SPIRE2: variants seen among roughly 807,000 people sequenced by gnomAD.
SPIRE2 encodes the protein protein spire homolog 2.
Under a neutral mutation model 80.7 loss-of-function variants are expected in SPIRE2, and 76 were observed. The ratio of observed to expected loss-of-function variants is 0.94; its 90% CI spans 0.78 to 1.14. SPIRE2 has a LOEUF of 1.14. Ranked by LOEUF, SPIRE2 falls within the 50% of genes most tolerant of loss-of-function variation. The probability of loss-of-function intolerance (pLI) is 0.00; values close to 1 mark genes in which losing one functional copy is unlikely to be tolerated. For missense variants in SPIRE2, 1,196 were observed against 1,015.3 expected (o/e 1.18, Z -2.42); for synonymous variants, 535 against 432.6 (o/e 1.24, Z -2.94).
Position 89,863,856 on chromosome 16 carries a change from C to G in SPIRE2, c.1773C>G (p.Cys591Trp), listed in dbSNP as rs2041766295. Residue 591 changes from cysteine (C) to tryptophan (W), a missense_variant, in exon 12 of 15, where the codon TGC (cysteine) becomes TGG (tryptophan). Physicochemically the swap from Cys to Trp is radical, Grantham distance 215. Coordinates refer to ENST00000378247, the MANE Select transcript of SPIRE2 (RefSeq NM_032451.2). This position sits in a 1 kb window ranked among gnomAD's most constrained non-coding sequence, Gnocchi z 4.3. ...LFSWPPSCLFCKRAVCTSCSI... is the reference protein window; with the variant it reads ...LFSWPPSCLFWKRAVCTSCSI... Reference sequence around the variant, plus strand: ...CGTGGCCGCCCAGCTGTCTCTTCTGCAAGAGGTGAGCCTTCCCTTTAGCTG... The same window carrying G: ...CGTGGCCGCCCAGCTGTCTCTTCTGGAAGAGGTGAGCCTTCCCTTTAGCTG... 1 of 1,613,134 alleles carries G rather than the reference C, an allele frequency of 6.2e-7. No individual in the cohort carries two copies. The highest frequency in any genetic ancestry group is 8.5e-7 in the Non-Finnish European group (1 of 1,179,380).
chr16:89,854,246 C>T, intron 3 of SPIRE2, 40 bp from the exon 4 acceptor site: 7 of 1,593,500 alleles, frequency 4.4e-6, no homozygotes, highest in South Asian at 1.1e-5. Context: ...ATCTGCCATT[C>T]TCGTACCTCC....
At chr16:89,845,516 G>A in intron 2 of SPIRE2, 151 bp downstream of exon 2, 1 of 778,446 alleles carries the variant, frequency 1.3e-6, no homozygotes, top group South Asian at 1.4e-5. Context: ...TGCAGGGACT[G>A]GATGAAACGC....
At chr16:89,849,423 C>T (rs992908958) in intron 2 of SPIRE2, among the ~76,000 whole-genome samples, 5 of 152,194 alleles carry the variant, frequency 3.3e-5, no homozygotes, top group African/African-American at 7.2e-5. Flanking sequence ...GTGCAGGGCC[C>T]GGCACAGCAT....
At chr16:89,845,492 C>A (rs1567671920) in intron 2 of SPIRE2, 127 bp downstream of exon 2, 3 of 870,598 alleles carry the variant, frequency 3.4e-6, no homozygotes, top group Non-Finnish European at 5.7e-6. Context: ...GATGAAGTAC[C>A]CAACAGGCTT....
chr16:89,864,005 C>A, intron 12 of SPIRE2, 144 bp downstream of exon 12: 1 of 599,146 alleles, frequency 1.7e-6, no homozygotes, highest in Non-Finnish European at 3.0e-6. Context: ...ATGGTTAGTA[C>A]GAATGAGGAG....
intron 9 of SPIRE2, among the ~76,000 whole-genome samples, chr16:89,859,967 C>G (rs1466287756): frequency 6.6e-6 from 1 of 152,244 alleles, no homozygotes; most frequent in African/African-American, 2.4e-5. Flanking sequence ...CAGCCCCTTC[C>G]CAGTGTTAAG....
At chr16:89,835,590 G>A (rs2041440565) in intron 1 of SPIRE2, among the ~76,000 whole-genome samples, 2 of 152,186 alleles carry the variant, frequency 1.3e-5, no homozygotes, top group Admixed American at 1.3e-4. Context: ...AAACATATCA[G>A]TGGGTCTCAG....
At chr16:89,860,072 G>T (rs527533584) in intron 9 of SPIRE2, among the ~76,000 whole-genome samples, 1 of 152,220 alleles carries the variant, frequency 6.6e-6, no homozygotes, top group East Asian at 1.9e-4. Context: ...TTGGTGGAGG[G>T]AGGGAGGTCG....
chr16:89,859,923 G>A (rs1425809893), intron 9 of SPIRE2, among the ~76,000 whole-genome samples: 1 of 152,180 alleles, frequency 6.6e-6, no homozygotes, highest in Non-Finnish European at 1.5e-5. Context: ...TGCCTGTGGG[G>A]CCAGAGTCTC....
rs765887361 is a variant in SPIRE2 at position 89,854,371 on chromosome 16, G to A, written c.726+5G>A. ...AGCCTGGGTCACACAGACTGGGTAAGGCTCACTCCCACCTGACCGGGCCAC... is the reference window on the plus strand; with the variant it reads ...AGCCTGGGTCACACAGACTGGGTAAAGCTCACTCCCACCTGACCGGGCCAC... On this transcript the variant is annotated splice_donor_5th_base_variant and intron_variant, in intron 4 of 14. Coordinates refer to ENST00000378247, the MANE Select transcript of SPIRE2 (RefSeq NM_032451.2). 8.9e-5 allele frequency: 144 copies of A among 1,612,134 alleles called. No individual in the cohort carries two copies. The highest frequency in any genetic ancestry group is 1.2e-4 in the Non-Finnish European group (140 of 1,179,760).
intron 2 of SPIRE2, chr16:89,847,024 G>A (rs925966944): frequency 4.6e-5 from 7 of 151,036 alleles, no homozygotes; most frequent in Admixed American, 1.3e-4. Context: ...TAGATTTACC[G>A]CAAGACCTAT....
At chr16:89,864,238 C>T (rs1310185426) in intron 12 of SPIRE2, among the ~76,000 whole-genome samples, 1 of 152,146 alleles carries the variant, frequency 6.6e-6, no homozygotes, top group Non-Finnish European at 1.5e-5. Flanking sequence ...CCACAGCTGC[C>T]GGACTCCCCA....
chr16:89,860,848 C>A (rs868168153), intron 10 of SPIRE2, 53 bp downstream of exon 10: 1 of 1,172,424 alleles, frequency 8.5e-7, no homozygotes, highest in Middle Eastern at 2.2e-4. Flanking sequence ...GTCTTTGCAC[C>A]CACCTTCCCG....
intron 1 of SPIRE2, 57 bp from the exon 2 acceptor site, chr16:89,845,265 T>G: frequency 6.6e-7 from 1 of 1,507,060 alleles, no homozygotes; most frequent in Non-Finnish European, 9.2e-7. Context: ...GGGACAGCAG[T>G]GTTTATTGGG....
chr16:89,851,557 G>T (rs182758811), intron 3 of SPIRE2, among the ~76,000 whole-genome samples: 2 of 152,100 alleles, frequency 1.3e-5, no homozygotes, highest in East Asian at 3.9e-4. Flanking sequence ...GCTAGGCTCC[G>T]ACGTGGCTCC....
In SPIRE2 at chr16:89,856,122, A is replaced by T; in HGVS notation, c.988A>T (p.Arg330Trp). ...SRPPLKQVSE[R>W]RLRPLPPKQR... ...CGCTTCCCCACCGCAGGTCTCTGAG[A>T]GGCGGCTGCGCCCGTTGCCACCAAA... The change falls in exon 7 of 15, where the codon AGG becomes TGG. Residue 330 changes from arginine to tryptophan, a missense_variant. Coordinates refer to ENST00000378247, the MANE Select transcript of SPIRE2 (RefSeq NM_032451.2). 6.2e-7 allele frequency: 1 copy of T among 1,611,616 alleles called. No individual in the cohort carries two copies. Among genetic ancestry groups the T allele is most frequent in the Non-Finnish European group, 8.5e-7 (1 of 1,179,578 alleles).
rs71137682 is a variant in SPIRE2 at position 89,842,208 on chromosome 16, A to ATTTTTTTTTTTTTTTTTTTTTTTTT, written c.245-3092_245-3091insTTTTTTTTTTTTTTTTTTTTTTTTT. Reference sequence around the variant, plus strand: ...ATACAATTAGATTCATGAACACGTAATTTTTTTTTTTTTTTTTTTTTTGTG... The same window carrying ATTTTTTTTTTTTTTTTTTTTTTTTT: ...ATACAATTAGATTCATGAACACGTAATTTTTTTTTTTTTTTTTTTTTTTTTTTTTTTTTTTTTTTTTTTTTTTGTG... On this transcript the variant is annotated intron_variant, in intron 1 of 14. Coordinates refer to ENST00000378247, the MANE Select transcript of SPIRE2 (RefSeq NM_032451.2). 7.4e-5 allele frequency among the ~76,000 whole-genome samples: 6 copies of ATTTTTTTTTTTTTTTTTTTTTTTTT among 81,306 alleles called. 1 individual carries two copies. Among genetic ancestry groups the ATTTTTTTTTTTTTTTTTTTTTTTTT allele is most frequent in the South Asian group, 4.7e-4 (1 of 2,142 alleles). 53.3% of individuals were successfully genotyped at this position (81,306 alleles called of 152,430 possible). A position where few individuals can be genotyped will look rare whatever the true frequency, so the allele number is the denominator to read the frequency against.
At chr16:89,830,590 C>G (rs1360990371) in intron 1 of SPIRE2, among the ~76,000 whole-genome samples, 1 of 150,992 alleles carries the variant, frequency 6.6e-6, no homozygotes, top group African/African-American at 2.4e-5. Flanking sequence ...CTTATTTCTC[C>G]CTGTAGATAT....
chr16:89,830,704 T>G (rs2041370747), intron 1 of SPIRE2, among the ~76,000 whole-genome samples: 1 of 150,952 alleles, frequency 6.6e-6, no homozygotes, highest in Non-Finnish European at 1.5e-5. Context: ...ACCCACCCTC[T>G]CACACAAACT....
Sources: allele counts gnomAD v4.1 joint callset (sites outside exome capture counted in the v4.1 genomes callset), GRCh38; gene constraint gnomAD v4.1.1; non-coding constraint Gnocchi (gnomAD v3.1); transcripts MANE v1.5; gene names NCBI Gene and HGNC (gene_info 2026-07-23, HGNC 2026-07-21).